The following ENOX1 variants were observed in gnomAD, a reference collection of about 807,000 sequenced individuals.
The protein encoded by ENOX1 is candidate growth-related and time keeping constitutive hydroquinone (NADH) oxidase.
A neutral mutation model predicts 82.5 loss-of-function variants in ENOX1; 42 were observed. That is an observed-to-expected ratio of 0.51 (90% CI 0.40 to 0.66). The LOEUF is 0.66. Among genes scored for constraint, ENOX1 ranks in the 30% least tolerant of loss-of-function variants. The pLI is 0.00. For synonymous variants in ENOX1, 271 were observed against 282.2 expected (o/e 0.96, Z 0.40); for missense variants, 608 against 811.6 (o/e 0.75, Z 3.05).
chr13:43,707,645 A>G (rs2087388016), intron 1 of ENOX1, among the ~76,000 whole-genome samples: 1 of 146,408 alleles, frequency 6.8e-6, no homozygotes, highest in South Asian at 2.3e-4. Context: ...AGGCAGGAGA[A>G]TGGCGTGAAC....
intron 2 of ENOX1, among the ~76,000 whole-genome samples, chr13:43,645,725 G>C (rs892742254): frequency 9.3e-5 from 4 of 43,136 alleles, no homozygotes; most frequent in Non-Finnish European, 1.8e-4. Context: ...TAAGTGAAAA[G>C]AATTAGAAAA....
chr13:43,614,500 G>T (rs1358195770), intron 2 of ENOX1, among the ~76,000 whole-genome samples: 2 of 149,790 alleles, frequency 1.3e-5, no homozygotes, highest in African/African-American at 2.5e-5. Context: ...AGTGCAAACA[G>T]TCTGCCTACT....
At chr13:43,753,009 G>A (rs181398542) in intron 1 of ENOX1, among the ~76,000 whole-genome samples, 26 of 151,992 alleles carry the variant, frequency 1.7e-4, no homozygotes, top group Non-Finnish European at 2.6e-4. Context: ...ACAGGCACGC[G>A]CCACTACATC....
chr13:43,702,691 C>G (rs1043996006), intron 1 of ENOX1, among the ~76,000 whole-genome samples: 5 of 152,084 alleles, frequency 3.3e-5, no homozygotes, highest in African/African-American at 9.7e-5. Flanking sequence ...TGGTTCATGC[C>G]TGTAATACCA....
At chr13:43,247,897 TTTTTTTG>T in intron 14 of ENOX1, among the ~76,000 whole-genome samples, 2 of 34,660 alleles carry the variant, frequency 5.8e-5, no homozygotes, top group Non-Finnish European at 1.0e-4. Context: ...TTTTTTTTTT[TTTTTTTG>T]AGACGGAGTC....
At chr13:43,598,457 T>C (rs974408019) in intron 2 of ENOX1, among the ~76,000 whole-genome samples, 1 of 152,186 alleles carries the variant, frequency 6.6e-6, no homozygotes, top group African/African-American at 2.4e-5. Flanking sequence ...TTTTCAGAAC[T>C]GCTCTAAGCA....
At chr13:43,344,401 G>T in intron 9 of ENOX1, 137 bp downstream of exon 9, 1 of 718,540 alleles carries the variant, frequency 1.4e-6, no homozygotes, top group Non-Finnish European at 2.3e-6. Context: ...CATGAAATAG[G>T]TTATGAAGTT....
chr13:43,629,986 G>A (rs896724383), intron 2 of ENOX1, among the ~76,000 whole-genome samples: 3 of 152,094 alleles, frequency 2.0e-5, no homozygotes, highest in African/African-American at 7.2e-5. Flanking sequence ...GTTCTGAGAA[G>A]GGAATTTTTA....
At chr13:43,457,381 T>C (rs1199782172) in intron 3 of ENOX1, among the ~76,000 whole-genome samples, 1 of 152,186 alleles carries the variant, frequency 6.6e-6, no homozygotes, top group African/African-American at 2.4e-5. Flanking sequence ...TCCATAAATG[T>C]TATCTTTATC....
At chr13:43,512,492 A>C (rs1392313427) in intron 2 of ENOX1, among the ~76,000 whole-genome samples, 3 of 152,188 alleles carry the variant, frequency 2.0e-5, no homozygotes, top group Non-Finnish European at 4.4e-5. Flanking sequence ...TGAGCATATA[A>C]TTGACTGAAA....
chr13:43,391,295 A>G (rs1011186644), intron 5 of ENOX1, among the ~76,000 whole-genome samples: 1 of 151,908 alleles, frequency 6.6e-6, no homozygotes, highest in African/African-American at 2.4e-5. Context: ...CCTAAACTAT[A>G]ACTGCTGGAA....
chr13:43,500,434 A>C (rs1323604045), intron 2 of ENOX1, among the ~76,000 whole-genome samples: 1 of 152,116 alleles, frequency 6.6e-6, no homozygotes, highest in Non-Finnish European at 1.5e-5. Flanking sequence ...TTATATTCAA[A>C]GTGCTGAAAG....
chr13:43,620,029 T>C (rs1000344089), intron 2 of ENOX1, among the ~76,000 whole-genome samples: 1 of 152,126 alleles, frequency 6.6e-6, no homozygotes, highest in Non-Finnish European at 1.5e-5. Context: ...AATTTTCTAG[T>C]TTATGTGTGT....
At chr13:43,661,235 G>A (rs1275751381) in intron 2 of ENOX1, among the ~76,000 whole-genome samples, 1 of 152,190 alleles carries the variant, frequency 6.6e-6, no homozygotes, top group Non-Finnish European at 1.5e-5. Flanking sequence ...GCAGTTTTAA[G>A]GACTATATTG....
At chr13:43,515,817 T>TG (rs148413523) in intron 2 of ENOX1, among the ~76,000 whole-genome samples, 5,159 of 152,268 alleles carry the variant, frequency 0.034, 143 homozygotes, top group Non-Finnish European at 0.056. Context: ...CAGGATGTCC[T>TG]GCTCCATACT....
chr13:43,735,339 T>G (rs1294769944), intron 1 of ENOX1, among the ~76,000 whole-genome samples: 1 of 152,170 alleles, frequency 6.6e-6, no homozygotes, highest in Non-Finnish European at 1.5e-5. Context: ...ATTACAGTAT[T>G]TACCAAACTG....
At chr13:43,528,297 C>G (rs991162543) in intron 2 of ENOX1, among the ~76,000 whole-genome samples, 3 of 152,078 alleles carry the variant, frequency 2.0e-5, no homozygotes, top group African/African-American at 7.2e-5. Flanking sequence ...ACCCTATGTA[C>G]AACGTGCCCC....
intron 3 of ENOX1, among the ~76,000 whole-genome samples, chr13:43,415,392 C>CGGCCTT (rs2054406685): frequency 6.6e-6 from 1 of 151,892 alleles, no homozygotes; most frequent in Non-Finnish European, 1.5e-5. Context: ...GAGGTCCCTG[C>CGGCCTT]GGCCTTCCGC....
chr13:43,491,263 C>A (rs1257852615), intron 2 of ENOX1, among the ~76,000 whole-genome samples: 2 of 152,166 alleles, frequency 1.3e-5, no homozygotes, highest in Non-Finnish European at 2.9e-5. Context: ...GGTGCCAAAC[C>A]ATTCATGAGG....
Sources: allele counts gnomAD v4.1 joint callset (sites outside exome capture counted in the v4.1 genomes callset), GRCh38; gene constraint gnomAD v4.1.1; transcripts MANE v1.5; gene names NCBI Gene and HGNC (gene_info 2026-07-23, HGNC 2026-07-21).